Variants in RAD51B observed in about 807,000 individuals in gnomAD.
RAD51B encodes DNA repair protein RAD51 homolog 2.
RAD51B carries 38 observed loss-of-function variants against 42.2 expected under a neutral mutation model. That is an observed-to-expected ratio of 0.90 (90% CI 0.70 to 1.18). The LOEUF is 1.18. Among genes scored for constraint, RAD51B ranks in the 50% most tolerant of loss-of-function variants. RAD51B has a pLI of 0.00. For missense variants in RAD51B, 373 were observed against 400.7 expected (o/e 0.93, Z 0.59); for synonymous variants, 154 against 145.2 (o/e 1.06, Z -0.43).
intron 7 of RAD51B, among the ~76,000 whole-genome samples, chr14:67,962,588 A>G (rs1249569895): frequency 1.3e-5 from 2 of 152,208 alleles, no homozygotes; most frequent in African/African-American, 4.8e-5. Context: ...GCCCAAGAAC[A>G]GTGTACCCAG....
chr14:68,362,262 G>A (rs1307301410), intron 8 of RAD51B, among the ~76,000 whole-genome samples: 2 of 151,866 alleles, frequency 1.3e-5, no homozygotes, highest in African/African-American at 4.8e-5. Context: ...CCTTGACTGG[G>A]GTACTAAAAT....
chr14:68,425,755 G>C (rs978255653), intron 9 of RAD51B, among the ~76,000 whole-genome samples: 3 of 152,196 alleles, frequency 2.0e-5, no homozygotes, highest in Admixed American at 2.0e-4. Context: ...TTGGTATTGG[G>C]TGATGGGTAA....
intron 7 of RAD51B, among the ~76,000 whole-genome samples, chr14:68,247,732 A>T (rs2080529868): frequency 6.6e-6 from 1 of 152,216 alleles, no homozygotes; most frequent in African/African-American, 2.4e-5. Flanking sequence ...TATATGTTGC[A>T]TGACATACTT....
intron 7 of RAD51B, among the ~76,000 whole-genome samples, chr14:67,889,548 T>C (rs8019420): frequency 0.052 from 7,696 of 148,224 alleles, 457 homozygotes; most frequent in African/African-American, 0.15. Flanking sequence ...ATAATAAAAA[T>C]ATATAAATAT....
intron 7 of RAD51B, among the ~76,000 whole-genome samples, chr14:67,947,902 G>C (rs75443919): frequency 0.04 from 6,076 of 152,202 alleles, 309 homozygotes; most frequent in African/African-American, 0.12. Context: ...TCCTACTTTA[G>C]AGGAAAACTT....
At chr14:68,385,516 C>A (rs1476321515) in intron 8 of RAD51B, among the ~76,000 whole-genome samples, 5 of 152,152 alleles carry the variant, frequency 3.3e-5, no homozygotes, top group African/African-American at 4.8e-5. Flanking sequence ...AGCTAAGAAC[C>A]AATGAGTGAG....
chr14:68,007,833 C>T (rs1276093565), intron 7 of RAD51B, among the ~76,000 whole-genome samples: 1 of 151,228 alleles, frequency 6.6e-6, no homozygotes, highest in Non-Finnish European at 1.5e-5. Flanking sequence ...ATGCTAACTT[C>T]CAAATAGAAA....
At chr14:68,538,920 A>G (rs1229788655) in intron 10 of RAD51B, among the ~76,000 whole-genome samples, 4 of 152,040 alleles carry the variant, frequency 2.6e-5, no homozygotes, top group Admixed American at 6.5e-5. Flanking sequence ...GTCACCCTTG[A>G]TTTACATCCT....
chr14:68,382,198 C>T (rs1399059947), intron 8 of RAD51B, among the ~76,000 whole-genome samples: 1 of 152,240 alleles, frequency 6.6e-6, no homozygotes, highest in Non-Finnish European at 1.5e-5. Context: ...TTGTAGAGAG[C>T]TATCCTGTGC....
intron 7 of RAD51B, among the ~76,000 whole-genome samples, chr14:68,091,529 A>G (rs1338841275): frequency 2.0e-5 from 3 of 151,946 alleles, no homozygotes; most frequent in Non-Finnish European, 2.9e-5. Context: ...CATATCCTTC[A>G]CCCACTTTTT....
intron 10 of RAD51B, chr14:68,562,657 A>G (rs1409177343): frequency 8.1e-6 from 8 of 985,290 alleles, no homozygotes; most frequent in Non-Finnish European, 9.6e-6. Flanking sequence ...TAAGCAAATG[A>G]GAGTTGCTAT....
At position 68,087,941 on chromosome 14, in the gene RAD51B, AT is replaced by A. The variant is rs1566634477; in HGVS notation, c.756+200739del. Among the ~76,000 whole-genome samples the A allele has an allele frequency of 5.0e-3, 390 of 77,510 alleles. 7 individuals carry two copies. Among genetic ancestry groups the A allele is most frequent in the African/African-American group, 0.032 (378 of 11,764 alleles). The allele number at this position is 77,510 out of a possible 152,430, so 50.8% of individuals were successfully genotyped here. Reference sequence around the variant, plus strand: ...TATATTATATATAATTATATAATTTATTATTATATATAATTATATAATTTAT... The same window carrying A: ...TATATTATATATAATTATATAATTTATATTATATATAATTATATAATTTAT... On this transcript the variant is annotated intron_variant, in intron 7 of 10. Transcript: ENST00000471583.
At chr14:68,332,055 A>G (rs555865101) in intron 8 of RAD51B, among the ~76,000 whole-genome samples, 2 of 152,354 alleles carry the variant, frequency 1.3e-5, no homozygotes, top group Non-Finnish European at 2.9e-5. Flanking sequence ...CGACTTCCAA[A>G]AAGAGTTCAC....
chr14:67,953,608 C>A (rs2074493702), intron 7 of RAD51B, among the ~76,000 whole-genome samples: 1 of 152,018 alleles, frequency 6.6e-6, no homozygotes, highest in African/African-American at 2.4e-5. Flanking sequence ...ATTAAGGGGC[C>A]ATTGCAGAGG....
At chr14:68,053,382 T>C (rs888691491) in intron 7 of RAD51B, among the ~76,000 whole-genome samples, 1 of 152,212 alleles carries the variant, frequency 6.6e-6, no homozygotes, top group African/African-American at 2.4e-5. Context: ...CTTTATTCTT[T>C]GGAATGAAAA....
At chr14:68,646,800 C>T (rs61987113) in intron 10 of RAD51B, among the ~76,000 whole-genome samples, 29,734 of 152,116 alleles carry the variant, frequency 0.2, 3,055 homozygotes, top group South Asian at 0.24. Context: ...CTCTAATTTG[C>T]TTCAGCTATA....
At chr14:68,105,942 T>A (rs1182631118) in intron 7 of RAD51B, among the ~76,000 whole-genome samples, 1 of 151,960 alleles carries the variant, frequency 6.6e-6, no homozygotes, top group Non-Finnish European at 1.5e-5. Flanking sequence ...AATTAGCTTT[T>A]AAACCAATTA....
At chr14:68,111,105 A>G (rs918823072) in intron 7 of RAD51B, among the ~76,000 whole-genome samples, 2 of 152,022 alleles carry the variant, frequency 1.3e-5, no homozygotes, top group Non-Finnish European at 2.9e-5. Context: ...CTCTTTTTGC[A>G]TTGTAGGGGG....
chr14:67,974,895 A>G (rs935332060), intron 7 of RAD51B, among the ~76,000 whole-genome samples: 1 of 152,134 alleles, frequency 6.6e-6, no homozygotes, highest in African/African-American at 2.4e-5. Flanking sequence ...ATCATCCTAT[A>G]TTCCTCTTTT....
Sources: allele counts gnomAD v4.1 joint callset (sites outside exome capture counted in the v4.1 genomes callset), GRCh38; gene constraint gnomAD v4.1.1; transcripts MANE v1.5; gene names NCBI Gene and HGNC (gene_info 2026-07-23, HGNC 2026-07-21).